CREBBP: variants seen among roughly 807,000 people sequenced by gnomAD.
CREBBP encodes the protein CREB binding lysine acetyltransferase, also known as CREB-binding protein.
In CREBBP, 19 loss-of-function variants were observed where a neutral mutation model predicts 265.0. The ratio of observed to expected loss-of-function variants is 0.07; its 90% confidence interval spans 0.05 to 0.11. The LOEUF (loss-of-function observed/expected upper bound fraction) is 0.11, where lower values mean the gene tolerates loss of function less well. CREBBP is among the 10% of genes least tolerant of loss of function. The pLI, the probability that CREBBP is intolerant of heterozygous loss-of-function variation, is 1.00. For missense variants in CREBBP, 2,525 were observed against 3,219.0 expected, an observed-to-expected ratio of 0.78 and a Z score of 5.22; for synonymous variants, 1,457 against 1,223.7, an observed-to-expected ratio of 1.19 and a Z score of -3.98.
rs750714464 is a variant in CREBBP, at chr16:3,778,228, A to G, written c.1942-46T>C. On this transcript the variant is annotated intron_variant, in intron 9 of 30. Transcript: ENST00000262367. Reference sequence around the variant, plus strand: ...ATATGAAACAGTTAAAACTGTAAAAAGCAACTGAATGATCTGTGTTGTAGG... The same window carrying G: ...ATATGAAACAGTTAAAACTGTAAAAGGCAACTGAATGATCTGTGTTGTAGG... 2.7e-6 allele frequency: 4 copies of G among 1,464,142 alleles called. No individual in the cohort carries two copies. The African/African-American group carries it at 4.2e-5, about 15-fold the overall frequency. 90.7% of individuals were successfully genotyped at this position (1,464,142 alleles called of 1,614,324 possible). A position where few individuals can be genotyped will look rare whatever the true frequency, so the allele number is the denominator to read the frequency against.
At chr16:3,809,784 G>T (rs890042157) in intron 3 of CREBBP, among the ~76,000 whole-genome samples, 1 of 152,072 alleles carries the variant, frequency 6.6e-6, no homozygotes, top group Non-Finnish European at 1.5e-5. Context: ...AAGACAAAAA[G>T]CAACTTTTTC....
intron 16 of CREBBP, among the ~76,000 whole-genome samples, chr16:3,759,544 G>A (rs1371154844): frequency 6.9e-6 from 1 of 145,194 alleles, no homozygotes; most frequent in African/African-American, 2.8e-5. Context: ...CCGAGATTGC[G>A]CCACTGCACT....
chr16:3,875,563 TC>T (rs1445314354), intron 1 of CREBBP, among the ~76,000 whole-genome samples: 1 of 151,922 alleles, frequency 6.6e-6, no homozygotes, highest in Non-Finnish European at 1.5e-5. Flanking sequence ...GTTACAAACC[TC>T]CCCCTTAGTG....
At chr16:3,860,347 T>G (rs1457531949) in intron 1 of CREBBP, among the ~76,000 whole-genome samples, 2 of 152,150 alleles carry the variant, frequency 1.3e-5, no homozygotes, top group Non-Finnish European at 2.9e-5. Flanking sequence ...CAAAAGGAAT[T>G]TTTTTTAAGA....
intron 7 of CREBBP, 36 bp downstream of exon 7, chr16:3,781,168 G>T: frequency 6.5e-7 from 1 of 1,546,706 alleles, no homozygotes; most frequent in Non-Finnish European, 8.9e-7. Context: ...CCATGCTCCT[G>T]TTGGACTGTC....
intron 13 of CREBBP, among the ~76,000 whole-genome samples, chr16:3,772,324 CACAA>C (rs1417848253): frequency 3.8e-5 from 4 of 104,514 alleles, no homozygotes; most frequent in Non-Finnish European, 6.1e-5. Context: ...CTCTCTGAAA[CACAA>C]ACACACACAC....
At chr16:3,755,960 G>C (rs1470253843) in intron 19 of CREBBP, among the ~76,000 whole-genome samples, 1 of 151,978 alleles carries the variant, frequency 6.6e-6, no homozygotes, top group African/African-American at 2.4e-5. Context: ...AGACATTTTT[G>C]TGTCAAAAGG....
intron 1 of CREBBP, among the ~76,000 whole-genome samples, chr16:3,875,250 T>A (rs1308547739): frequency 6.6e-6 from 1 of 152,176 alleles, no homozygotes; most frequent in African/African-American, 2.4e-5. Context: ...ACATGACTTG[T>A]CCTTGCCTAC....
chr16:3,745,253 T>C lies in CREBBP; in HGVS notation c.3914+24A>G, dbSNP rs779784041. 1.9e-6 allele frequency: 3 copies of C among 1,609,208 alleles called. No homozygotes were observed. The East Asian group carries it at 6.7e-5, about 36-fold the overall frequency. ...CCACTGGCTCTGTGCAGAACTGCCC[T>C]CCAGGCCAGGGGAAACAACTCACCC... On this transcript the variant is annotated intron_variant, in intron 22 of 30. Transcript: ENST00000262367.
At chr16:3,771,610 C>A (rs902550768) in intron 13 of CREBBP, among the ~76,000 whole-genome samples, 1 of 151,906 alleles carries the variant, frequency 6.6e-6, no homozygotes, top group African/African-American at 2.4e-5. Flanking sequence ...CCTGAAACTG[C>A]GGATAGTACT....
chr16:3,816,361 A>T (rs981180502), intron 2 of CREBBP, among the ~76,000 whole-genome samples: 1 of 152,222 alleles, frequency 6.6e-6, no homozygotes, highest in South Asian at 2.1e-4. Context: ...TTGAAGCCAG[A>T]TCCTGAGGTT....
Position 3,770,615 on chromosome 16 carries a change from C to G in CREBBP, c.2835G>C (p.Ser945=), listed in dbSNP as rs745404443. 6.2e-7 allele frequency: 1 copy of G among 1,613,844 alleles called. No homozygotes were observed. Among genetic ancestry groups the G allele is most frequent in the East Asian group, 2.2e-5 (1 of 44,888 alleles). The stretch of plus-strand genomic sequence containing the variant: ...CGTGCACAGGCGTCGGCTGTTGCTG[C>G]GATGACTGAGGGGTAGCCACAGACG... ...QPPSVATPQS[S]QQQPTPVHAQ... Residue 945 remains serine (S), a synonymous_variant, in exon 14 of 31, where the codon TCG becomes TCC. Transcript: ENST00000262367.
chr16:3,779,875 A>C (rs1234320127), intron 8 of CREBBP, among the ~76,000 whole-genome samples: 1 of 151,974 alleles, frequency 6.6e-6, no homozygotes, highest in African/African-American at 2.4e-5. Context: ...AGGCCAAGGC[A>C]AGAGGATTAC....
At chr16:3,777,024 A>G (rs559314799) in intron 11 of CREBBP, among the ~76,000 whole-genome samples, 2 of 150,316 alleles carry the variant, frequency 1.3e-5, no homozygotes, top group Admixed American at 1.3e-4. Flanking sequence ...TCTCAAAAAA[A>G]TAAAAGAAAA....
Position 3,774,997 on chromosome 16 carries a change from G to C in CREBBP, c.2159-304C>G, listed in dbSNP as rs145089969. Among the ~76,000 whole-genome samples, 185 of 152,276 alleles carry C rather than the reference G, an allele frequency of 1.2e-3. 1 individual carries two copies. In the East Asian group the frequency reaches 0.013, roughly 10 times the overall value. On this transcript the variant is annotated intron_variant, in intron 11 of 30. Coordinates refer to ENST00000262367, the MANE Select transcript of CREBBP (RefSeq NM_004380.3). ...TGAGACATTAAACGAGGCTGTGGTA[G>C]AGCTGAGCCAGAGGGCACAGTACCA...
chr16:3,847,741 C>G (rs939723747), intron 2 of CREBBP, among the ~76,000 whole-genome samples: 7 of 152,148 alleles, frequency 4.6e-5, no homozygotes, highest in African/African-American at 1.7e-4. Context: ...AAGACACTCT[C>G]CAGGATAAAT....
intron 19 of CREBBP, among the ~76,000 whole-genome samples, chr16:3,752,777 G>C (rs1309078416): frequency 6.6e-6 from 1 of 152,184 alleles, no homozygotes; most frequent in Non-Finnish European, 1.5e-5. Flanking sequence ...AGTGAATTTA[G>C]AGTTAATCTT....
chr16:3,812,881 C>T (rs965252398), intron 2 of CREBBP: 1 of 194,076 alleles, frequency 5.2e-6, no homozygotes, highest in Non-Finnish European at 1.1e-5. Flanking sequence ...GGGAAAACCT[C>T]CCAGGGGTGA....
At chr16:3,753,145 A>C (rs1395145555) in intron 19 of CREBBP, among the ~76,000 whole-genome samples, 5 of 152,186 alleles carry the variant, frequency 3.3e-5, no homozygotes, top group Non-Finnish European at 7.3e-5. Context: ...GCCAGGCTGA[A>C]CCACCAAGTG....
Sources: gnomAD v4.1 joint callset for allele counts (sites outside exome capture counted in the v4.1 genomes callset) on GRCh38, gnomAD v4.1.1 for gene constraint, MANE v1.5 for transcripts, NCBI Gene and HGNC (gene_info 2026-07-23, HGNC 2026-07-21) for gene names.